USP50: variants seen among roughly 807,000 people sequenced by gnomAD.
USP50 encodes ubiquitin specific peptidase 50.
USP50 carries 37 observed loss-of-function variants against 39.2 expected under a neutral mutation model. The observed-to-expected ratio is 0.94, with a 90% CI of 0.73 to 1.24. USP50 has a LOEUF of 1.24. Ranked by LOEUF, USP50 falls within the 50% of genes most tolerant of loss-of-function variation. USP50 has a pLI of 0.00. For missense variants in USP50, 374 were observed against 398.2 expected (o/e 0.94, Z 0.52); for synonymous variants, 139 against 144.5 (o/e 0.96, Z 0.27).
intron 5 of USP50, among the ~76,000 whole-genome samples, chr15:50,531,411 C>T (rs1366998780): frequency 6.6e-6 from 1 of 152,092 alleles, no homozygotes; most frequent in Admixed American, 6.6e-5. Flanking sequence ...ATGCACGCAA[C>T]AACACAAAAG....
chr15:50,544,349 G>A (rs1418084085), intron 2 of USP50, among the ~76,000 whole-genome samples: 1 of 151,340 alleles, frequency 6.6e-6, no homozygotes, highest in African/African-American at 2.4e-5. Flanking sequence ...GCAACAGAAC[G>A]AGACCCTGGC....
At chr15:50,515,443 T>C (rs1331057215) in intron 6 of USP50, among the ~76,000 whole-genome samples, 2 of 152,028 alleles carry the variant, frequency 1.3e-5, no homozygotes, top group African/African-American at 4.8e-5. Context: ...GGTTTCACTA[T>C]GTTGGCCAGG....
At chr15:50,497,246 T>C (rs1489228482), downstream of USP50, 1 of 1,593,584 alleles carries the variant, frequency 6.3e-7, no homozygotes, top group Admixed American at 1.8e-5. Context: ...AGGGGAAAGT[T>C]TGTCCTCCTG....
chr15:50,514,796 G>A (rs1277856510), intron 6 of USP50, among the ~76,000 whole-genome samples: 6 of 151,878 alleles, frequency 4.0e-5, no homozygotes, highest in Non-Finnish European at 8.8e-5. Flanking sequence ...CCAAAGTGCT[G>A]GGATTACAGG....
downstream of USP50, chr15:50,497,048 A>G (rs755319015): frequency 8.3e-6 from 13 of 1,564,400 alleles, no homozygotes; most frequent in Non-Finnish European, 1.0e-5. Context: ...TTATTGAAGA[A>G]TCGAATTAAC....
At chr15:50,503,505 C>T (rs145846038) in intron 6 of USP50, 59 of 152,328 alleles carry the variant, frequency 3.9e-4, no homozygotes, top group African/African-American at 1.3e-3. Context: ...TTGAGATCCA[C>T]ATACAAAGCC....
chr15:50,508,513 A>C (rs1176668491), intron 6 of USP50: 1 of 152,194 alleles, frequency 6.6e-6, no homozygotes, highest in Non-Finnish European at 1.5e-5. Flanking sequence ...TTAAATACTT[A>C]TATCTTAAAG....
intron 6 of USP50, among the ~76,000 whole-genome samples, chr15:50,521,372 T>G (rs1198659234): frequency 6.6e-6 from 1 of 152,190 alleles, no homozygotes; most frequent in Non-Finnish European, 1.5e-5. Context: ...GTACATATTG[T>G]ATACATGTAT....
intron 5 of USP50, chr15:50,532,305 C>A: frequency 2.3e-6 from 1 of 442,940 alleles, no homozygotes; most frequent in South Asian, 1.6e-5. Flanking sequence ...ACAGGAGAAA[C>A]TCATTAACCA....
intron 5 of USP50, among the ~76,000 whole-genome samples, chr15:50,537,126 GGAC>G (rs1458933864): frequency 6.6e-6 from 1 of 151,724 alleles, no homozygotes; most frequent in Non-Finnish European, 1.5e-5. Flanking sequence ...GCTCAGAAAG[GGAC>G]CCACAAAGAT....
intron 6 of USP50, among the ~76,000 whole-genome samples, chr15:50,525,911 T>C (rs2052894413): frequency 6.6e-6 from 1 of 151,794 alleles, no homozygotes; most frequent in Admixed American, 6.6e-5. Flanking sequence ...TGATACTACA[T>C]TTAGAGAACA....
At chr15:50,493,082 T>C (rs1278509164), downstream of USP50, 1 of 759,232 alleles carries the variant, frequency 1.3e-6, no homozygotes, top group African/African-American at 1.7e-5. Flanking sequence ...AAGGCCATCG[T>C]CTAGGTGCCG....
chr15:50,497,728 T>TA (rs2052472434), downstream of USP50: 1 of 152,244 alleles, frequency 6.6e-6, no homozygotes, highest in Non-Finnish European at 1.5e-5. Context: ...ACAAGAGTTA[T>TA]AAAACACGAA....
intron 5 of USP50, among the ~76,000 whole-genome samples, chr15:50,536,068 A>G (rs1450635433): frequency 1.6e-4 from 24 of 152,218 alleles, no homozygotes; most frequent in Admixed American, 1.6e-3. Context: ...TACAGTCAGG[A>G]GCAAGGCAAG....
chr15:50,529,934 A>C lies in USP50; in HGVS notation c.804-5T>G, dbSNP rs778902511. ...GTTGTACCCTGAATGTCAAACCTGCAGGTATAATAAATGTGTGAAATACAA... is the reference window on the plus strand; with the variant it reads ...GTTGTACCCTGAATGTCAAACCTGCCGGTATAATAAATGTGTGAAATACAA... On this transcript the variant is annotated splice_region_variant and splice_polypyrimidine_tract_variant and intron_variant, in intron 5 of 6. Transcript: ENST00000532404. The C allele has an allele frequency of 1.1e-5, 18 of 1,613,156 alleles. No homozygotes were observed. Among genetic ancestry groups the C allele is most frequent in the Non-Finnish European group, 1.5e-5 (18 of 1,179,688 alleles).
chr15:50,542,203 T>C (rs185172889), intron 3 of USP50, among the ~76,000 whole-genome samples: 2 of 152,154 alleles, frequency 1.3e-5, no homozygotes, highest in Admixed American at 1.3e-4. Flanking sequence ...CAGTGGAATA[T>C]ACATTTTGAA....
intron 6 of USP50, chr15:50,510,080 T>A (rs536315028): frequency 2.0e-5 from 3 of 152,172 alleles, no homozygotes; most frequent in Non-Finnish European, 4.4e-5. Flanking sequence ...TAGCTATAAT[T>A]AATACAGTAC....
chr15:50,501,059 TAAAG>T lies in USP50; in HGVS notation c.937-226_937-223del, dbSNP rs373029715. ...GTGCCCATTGACTATCATCTGTGAA[TAAAG>T]AAAGACAATATTTAGCAGCATCTGA... On this transcript the variant is annotated intron_variant, in intron 6 of 6. Coordinates refer to ENST00000532404, the MANE Select transcript of USP50 (RefSeq NM_203494.5). 9.8e-4 allele frequency: 472 copies of T among 483,864 alleles called. 1 individual carries two copies. The highest frequency in any genetic ancestry group is 7.4e-3 in the East Asian group (208 of 28,040). The allele number at this position is 483,864 out of a possible 1,614,324, so 30.0% of individuals were successfully genotyped here.
At position 50,546,622 on chromosome 15, in the gene USP50, T is replaced by C. The variant is rs1168552820; in HGVS notation, c.-97A>G. ...GAGCCTGTTAACGCTGGCTTTTTGT[T>C]TTAAACAATTGATATGCTCCTCTCT... On this transcript the variant is annotated 5_prime_UTR_variant, in exon 1 of 7. Coordinates refer to ENST00000532404, the MANE Select transcript of USP50 (RefSeq NM_203494.5). 5.9e-6 allele frequency: 8 copies of C among 1,366,656 alleles called. No individual in the cohort carries two copies. The highest frequency in any genetic ancestry group is 8.3e-6 in the Non-Finnish European group (8 of 961,672). The allele number at this position is 1,366,656 out of a possible 1,614,324, so 84.7% of individuals were successfully genotyped here.
Sources: gnomAD v4.1 joint callset for allele counts (sites outside exome capture counted in the v4.1 genomes callset) on GRCh38, gnomAD v4.1.1 for gene constraint, MANE v1.5 for transcripts, NCBI Gene and HGNC (gene_info 2026-07-23, HGNC 2026-07-21) for gene names.